Variants in METTL15 observed in about 807,000 individuals in gnomAD.
METTL15 encodes the protein 12S rRNA N(4)-cytidine methyltransferase METTL15.
In METTL15, 34 loss-of-function variants were observed where a neutral mutation model predicts 38.3. The ratio of observed to expected loss-of-function variants is 0.89; its 90% CI spans 0.68 to 1.18. METTL15 has a LOEUF of 1.18. METTL15 is among the 50% of genes most tolerant of loss of function. The pLI, the probability that METTL15 is intolerant of heterozygous loss-of-function variation, is 0.00. For synonymous variants in METTL15, 162 were observed against 170.9 expected (o/e 0.95, Z 0.41); for missense variants, 438 against 498.4 (o/e 0.88, Z 1.15).
At chr11:28,216,764 A>C (rs1852898189) in intron 4 of METTL15, among the ~76,000 whole-genome samples, 1 of 124,968 alleles carries the variant, frequency 8.0e-6, no homozygotes, top group Non-Finnish European at 1.6e-5. Context: ...TCCTGTGTCC[A>C]AGTGTTCTCA....
At chr11:28,226,902 A>G (rs1853502099) in intron 4 of METTL15, among the ~76,000 whole-genome samples, 1 of 151,984 alleles carries the variant, frequency 6.6e-6, no homozygotes. Flanking sequence ...AAGAATTGTC[A>G]CAAATATAAA....
chr11:28,240,520 C>T (rs906070827), intron 4 of METTL15, among the ~76,000 whole-genome samples: 5 of 152,090 alleles, frequency 3.3e-5, no homozygotes, highest in South Asian at 2.1e-4. Context: ...ATTAAATGTA[C>T]GATTAAGATT....
intron 3 of METTL15, among the ~76,000 whole-genome samples, chr11:28,338,743 A>G (rs1416683410): frequency 6.6e-6 from 1 of 152,192 alleles, no homozygotes; most frequent in Non-Finnish European, 1.5e-5. Flanking sequence ...GTATTAAACC[A>G]GCAAGAATCA....
intron 3 of METTL15, among the ~76,000 whole-genome samples, chr11:28,160,916 C>CT (rs1292841945): frequency 1.3e-5 from 2 of 151,816 alleles, no homozygotes; most frequent in Non-Finnish European, 2.9e-5. Context: ...ACCCAACATC[C>CT]TTTTTTTATA....
chr11:28,290,038 A>G (rs930648657), intron 4 of METTL15, among the ~76,000 whole-genome samples, 168 bp from the exon 5 acceptor site: 5 of 152,198 alleles, frequency 3.3e-5, no homozygotes, highest in Non-Finnish European at 7.3e-5. Flanking sequence ...TTGAAACCCA[A>G]GATGTATAGT....
chr11:28,352,698 C>G (rs972409281), intron 4 of METTL15, among the ~76,000 whole-genome samples: 1 of 152,130 alleles, frequency 6.6e-6, no homozygotes, highest in Non-Finnish European at 1.5e-5. Flanking sequence ...CCCTCCCTTT[C>G]CCTCTCCCCA....
intron 4 of METTL15, among the ~76,000 whole-genome samples, chr11:28,246,332 C>T (rs1397310661): frequency 1.3e-5 from 2 of 151,716 alleles, no homozygotes; most frequent in Non-Finnish European, 2.9e-5. Context: ...ATTATTTATC[C>T]TTTTATTTAG....
At chr11:28,256,107 T>G (rs1854961408) in intron 4 of METTL15, among the ~76,000 whole-genome samples, 1 of 152,170 alleles carries the variant, frequency 6.6e-6, no homozygotes, top group Non-Finnish European at 1.5e-5. Context: ...TTTGCTAGTG[T>G]TTTATTGAGG....
At chr11:28,145,593 C>T (rs992828949) in intron 3 of METTL15, 1 of 151,922 alleles carries the variant, frequency 6.6e-6, no homozygotes, top group Admixed American at 6.6e-5. Context: ...CTTTGTTTTC[C>T]CTGCAACGAG....
chr11:28,176,933 C>T (rs1851098124), intron 3 of METTL15, among the ~76,000 whole-genome samples: 1 of 152,034 alleles, frequency 6.6e-6, no homozygotes, highest in Non-Finnish European at 1.5e-5. Context: ...TAATGGACAT[C>T]AAAAGTCTAA....
intron 6 of METTL15, among the ~76,000 whole-genome samples, chr11:28,515,622 A>G (rs955667102): frequency 6.6e-6 from 1 of 152,234 alleles, no homozygotes; most frequent in African/African-American, 2.4e-5. Context: ...ACTTTGCACT[A>G]TAAAGGCATT....
At chr11:28,310,968 G>GTGTA (rs1403389414) in intron 6 of METTL15, among the ~76,000 whole-genome samples, 19 of 115,836 alleles carry the variant, frequency 1.6e-4, no homozygotes, top group African/African-American at 7.6e-4. Flanking sequence ...GGTGGTGGGT[G>GTGTA]TGTGTGTGTG....
chr11:28,392,632 C>CA (rs1850523332), intron 5 of METTL15, among the ~76,000 whole-genome samples: 1 of 151,430 alleles, frequency 6.6e-6, no homozygotes, highest in Non-Finnish European at 1.5e-5. Flanking sequence ...AAAGTAAAAG[C>CA]AAAAAAAGCA....
intron 6 of METTL15, among the ~76,000 whole-genome samples, chr11:28,299,004 A>G (rs1023817773): frequency 6.6e-5 from 10 of 152,162 alleles, no homozygotes; most frequent in African/African-American, 2.4e-4. Context: ...TTAAACAGTC[A>G]GGGAACTGAG....
intron 6 of METTL15, among the ~76,000 whole-genome samples, chr11:28,500,008 A>ATTT (rs11325215): frequency 6.9e-6 from 1 of 145,104 alleles, no homozygotes; most frequent in African/African-American, 2.5e-5. Flanking sequence ...TGGAATTGCT[A>ATTT]TTTTTTTTTT....
At chr11:28,196,403 TA>T in intron 3 of METTL15, among the ~76,000 whole-genome samples, 1 of 152,142 alleles carries the variant, frequency 6.6e-6, no homozygotes, top group Non-Finnish European at 1.5e-5. Context: ...GCTCACCTTG[TA>T]GAGATATTTC....
rs1198385879 is a variant in METTL15 at position 28,383,352 on chromosome 11, T to C, written c.*358+21316T>C. On this transcript the variant is annotated intron_variant and NMD_transcript_variant, in intron 5 of 7. Transcript: ENST00000532947. ...TGTTAAATATGTACTTTATTTTCTTTATTCAGTTTATCATTGATGGGCATT... is the reference window on the plus strand; with the variant it reads ...TGTTAAATATGTACTTTATTTTCTTCATTCAGTTTATCATTGATGGGCATT... Among the ~76,000 whole-genome samples, 2 of 152,220 alleles carry C rather than the reference T, an allele frequency of 1.3e-5. 1 individual carries two copies. Among genetic ancestry groups the C allele is most frequent in the South Asian group, 4.1e-4 (2 of 4,830 alleles).
At chr11:28,346,182 C>T (rs182206813) in intron 3 of METTL15, among the ~76,000 whole-genome samples, 4 of 152,248 alleles carry the variant, frequency 2.6e-5, no homozygotes, top group African/African-American at 7.2e-5. Flanking sequence ...CAGTTTTTTA[C>T]CCAATTAAAT....
intron 3 of METTL15, among the ~76,000 whole-genome samples, chr11:28,176,876 A>G (rs1291295794): frequency 1.3e-5 from 2 of 152,166 alleles, no homozygotes; most frequent in African/African-American, 4.8e-5. Flanking sequence ...AGAAATACAC[A>G]CTTGATAAAT....
Sources: gnomAD v4.1 joint callset for allele counts (sites outside exome capture counted in the v4.1 genomes callset) on GRCh38, gnomAD v4.1.1 for gene constraint, MANE v1.5 for transcripts, NCBI Gene and HGNC (gene_info 2026-07-23, HGNC 2026-07-21) for gene names.